The following SERINC1 variants were observed in gnomAD, a reference collection of about 807,000 sequenced individuals.
SERINC1 encodes the protein serine incorporator 1.
In SERINC1, 38 loss-of-function variants were observed where a neutral mutation model predicts 52.9. The observed-to-expected ratio is 0.72, with a 90% CI of 0.55 to 0.94. The LOEUF (loss-of-function observed/expected upper bound fraction) is 0.94. Among genes scored for constraint, SERINC1 ranks in the 40% least tolerant of loss-of-function variants. The probability of loss-of-function intolerance (pLI) is 0.00; values close to 1 mark genes in which losing one functional copy is unlikely to be tolerated. For synonymous variants in SERINC1, 198 were observed against 183.1 expected, an observed-to-expected ratio of 1.08 and a Z score of -0.66; for missense variants, 471 against 533.9, an observed-to-expected ratio of 0.88 and a Z score of 1.16.
Position 122,447,243 on chromosome 6 carries a change from T to G in SERINC1, c.873A>C (p.Leu291=), listed in dbSNP as rs747337472. Residue 291 remains leucine, a synonymous_variant, in exon 8 of 10, where the codon CTA becomes CTC. Transcript: ENST00000339697. ...TTGTATTGTAGCCAATTATGCTTAG[T>G]AGACTTGGGTTGCAATTTGTTTCTG... The part of the protein sequence containing the change: ...NEPETNCNPS[L]LSIIGYNTTS... 2 of 1,610,574 alleles carry G rather than the reference T, an allele frequency of 1.2e-6. No homozygotes were observed. Among genetic ancestry groups the G allele is most frequent in the Admixed American group, 3.4e-5 (2 of 59,566 alleles).
chr6:122,451,776 A>AAAAAATATATATATATATATATAT, intron 6 of SERINC1, 22 bp from the exon 7 acceptor site: 3 of 113,062 alleles, frequency 2.7e-5, no homozygotes, highest in Non-Finnish European at 4.1e-5. Flanking sequence ...AAAAAAAAAA[A>AAAAAATATATATATATATATATAT]ATATATATAT....
At chr6:122,468,759 C>T (rs1481816363) in intron 1 of SERINC1, among the ~76,000 whole-genome samples, 1 of 152,094 alleles carries the variant, frequency 6.6e-6, no homozygotes, top group African/African-American at 2.4e-5. Context: ...AACTATAAAT[C>T]ATTTCTATAA....
chr6:122,467,982 C>T (rs1775215591), intron 1 of SERINC1, among the ~76,000 whole-genome samples: 1 of 151,950 alleles, frequency 6.6e-6, no homozygotes, highest in Admixed American at 6.6e-5. Context: ...AGAAATACGG[C>T]AATAAATACC....
At chr6:122,464,521 A>T (rs1775155205) in intron 1 of SERINC1, among the ~76,000 whole-genome samples, 1 of 152,216 alleles carries the variant, frequency 6.6e-6, no homozygotes, top group South Asian at 2.1e-4. Flanking sequence ...GCACGTGCAG[A>T]GGGACGGTGT....
intron 3 of SERINC1, among the ~76,000 whole-genome samples, chr6:122,456,084 T>C (rs1427752975): frequency 6.6e-6 from 1 of 152,156 alleles, no homozygotes; most frequent in African/African-American, 2.4e-5. Context: ...AAAGAAACCC[T>C]GAAGTTTCTT....
chr6:122,471,157 A>G (rs1164101629), intron 1 of SERINC1, among the ~76,000 whole-genome samples: 6 of 151,996 alleles, frequency 3.9e-5, no homozygotes, highest in East Asian at 3.9e-4. Flanking sequence ...TTCAAAAACA[A>G]TATTACTACA....
chr6:122,462,211 G>T (rs1775117284), intron 1 of SERINC1, among the ~76,000 whole-genome samples: 1 of 152,098 alleles, frequency 6.6e-6, no homozygotes, highest in African/African-American at 2.4e-5. Context: ...AAGAATAGAA[G>T]ATAACATCCT....
Position 122,452,072 on chromosome 6 carries a change from T to C in SERINC1, c.590-15A>G. The C allele has an allele frequency of 7.0e-7, 1 of 1,429,818 alleles. No individual in the cohort carries two copies. Among genetic ancestry groups the C allele is most frequent in the Non-Finnish European group, 9.2e-7 (1 of 1,082,504 alleles). 88.6% of individuals were successfully genotyped at this position (1,429,818 alleles called of 1,614,324 possible). A position where few individuals can be genotyped will look rare whatever the true frequency, so the allele number is the denominator to read the frequency against. On this transcript the variant is annotated splice_polypyrimidine_tract_variant and intron_variant, in intron 5 of 9. Coordinates refer to ENST00000339697, the MANE Select transcript of SERINC1 (RefSeq NM_020755.4). ...TGATAACAAGGCTGTGAAAGAAATA[T>C]AATTGGATAATTAGCTTTTTATCAG...
chr6:122,449,885 G>A (rs537409222), intron 7 of SERINC1, among the ~76,000 whole-genome samples: 2 of 152,116 alleles, frequency 1.3e-5, no homozygotes, highest in East Asian at 1.9e-4. Flanking sequence ...GTGTGGTGGC[G>A]CAGGCCTGTA....
In SERINC1 at chr6:122,444,123, T is replaced by C. The variant is rs747215498; in HGVS notation, c.*921A>G. The stretch of plus-strand genomic sequence containing the variant: ...AATCCTCCCACCTCAGCCTCCTCAG[T>C]AGCTGGGACCACAGGCATATGCTAC... On this transcript the variant is annotated 3_prime_UTR_variant, in exon 10 of 10. Coordinates refer to ENST00000339697, the MANE Select transcript of SERINC1 (RefSeq NM_020755.4). The C allele has an allele frequency of 2.6e-5, 4 of 152,420 alleles. No homozygotes were observed. Among genetic ancestry groups the C allele is most frequent in the Non-Finnish European group, 4.4e-5 (3 of 68,240 alleles). The allele number at this position is 152,420 out of a possible 1,614,324, so 9.4% of individuals were successfully genotyped here.
In SERINC1 at chr6:122,458,685, G is replaced by A; in HGVS notation, c.40-4C>T. ...CACTTCCACACAAACATGGTATCTG[G>A]GAAAAAGAATATTATTGAAAATATT... On this transcript the variant is annotated splice_region_variant and splice_polypyrimidine_tract_variant and intron_variant, in intron 1 of 9. Transcript: ENST00000339697. The A allele has an allele frequency of 3.2e-6, 5 of 1,569,662 alleles. No homozygotes were observed. The highest frequency in any genetic ancestry group is 2.7e-5 in the African/African-American group (2 of 73,514).
intron 1 of SERINC1, among the ~76,000 whole-genome samples, chr6:122,470,710 GT>G (rs1264581993): frequency 6.6e-6 from 1 of 152,008 alleles, no homozygotes; most frequent in African/African-American, 2.4e-5. Flanking sequence ...ACCTTTAAGA[GT>G]ATATATAACG....
At chr6:122,458,309 G>A (rs1309848388) in intron 2 of SERINC1, among the ~76,000 whole-genome samples, 1 of 151,958 alleles carries the variant, frequency 6.6e-6, no homozygotes, top group Non-Finnish European at 1.5e-5. Flanking sequence ...TTCTTTCTGT[G>A]TATTACCACA....
intron 1 of SERINC1, among the ~76,000 whole-genome samples, chr6:122,459,747 G>T (rs1775067219): frequency 6.6e-6 from 1 of 151,930 alleles, no homozygotes; most frequent in Non-Finnish European, 1.5e-5. Flanking sequence ...TGTTAAAAAA[G>T]GAGACCTCAA....
chr6:122,446,773 C>G lies in SERINC1; in HGVS notation c.1226+1G>C. On this transcript the variant is annotated splice_donor_variant, in intron 9 of 9. Transcript: ENST00000339697. LOFTEE classifies it high-confidence loss of function. The stretch of plus-strand genomic sequence containing the variant: ...CCAGAGTTTTCATGAAATATAAATA[C>G]CTGTACCAGTTGGTAAGGGTCATCA... 6.3e-7 allele frequency: 1 copy of G among 1,590,058 alleles called. No homozygotes were observed. Among genetic ancestry groups the G allele is most frequent in the Non-Finnish European group, 8.6e-7 (1 of 1,158,326 alleles).
In SERINC1 at chr6:122,454,153, G is replaced by C; in HGVS notation, c.449C>G (p.Thr150Ser). 1.3e-6 allele frequency: 2 copies of C among 1,555,644 alleles called. No homozygotes were observed. The highest frequency in any genetic ancestry group is 1.7e-6 in the Non-Finnish European group (2 of 1,143,152). ...ACAACTTAAAAAGGATTTCTTACCA[G>C]TTGTAAAAGTTCCTTCTGGAATGAA... ...AFFIPEGTFT[T>S]VWFYVGMAGA... Residue 150 changes from threonine (T) to serine (S), a missense_variant and splice_region_variant, in exon 4 of 10, where the codon ACT becomes AGT. Coordinates refer to ENST00000339697, the MANE Select transcript of SERINC1 (RefSeq NM_020755.4).
At chr6:122,458,450 A>G in intron 2 of SERINC1, 70 bp downstream of exon 2, 4 of 1,032,110 alleles carry the variant, frequency 3.9e-6, no homozygotes, top group Non-Finnish European at 5.7e-6. Context: ...AATATCCCCG[A>G]ATCAATTTTA....
chr6:122,451,774 A>T lies in SERINC1; in HGVS notation c.760-20T>A, dbSNP rs373266945. 322 of 210,882 alleles carry T rather than the reference A, an allele frequency of 1.5e-3. 2 individuals carry two copies. In the East Asian group the frequency reaches 0.032, roughly 21 times the overall value. The allele number at this position is 210,882 out of a possible 1,614,324, so 13.1% of individuals were successfully genotyped here. A position where few individuals can be genotyped will look rare whatever the true frequency, so the allele number is the denominator to read the frequency against. On this transcript the variant is annotated intron_variant, in intron 6 of 9. Transcript: ENST00000339697. ...TGATTCCTACAAAAAAAAAAAAAAAAAAATATATATATATATATATAGCAA... is the reference window on the plus strand; with the variant it reads ...TGATTCCTACAAAAAAAAAAAAAAATAAATATATATATATATATATAGCAA...
chr6:122,470,609 C>T (rs1268433956), intron 1 of SERINC1, among the ~76,000 whole-genome samples: 1 of 152,076 alleles, frequency 6.6e-6, no homozygotes, highest in Non-Finnish European at 1.5e-5. Context: ...GAAGAAATAC[C>T]ATATAATCAA....
Sources: gnomAD v4.1 joint callset for allele counts (sites outside exome capture counted in the v4.1 genomes callset) on GRCh38, gnomAD v4.1.1 for gene constraint, MANE v1.5 for transcripts, NCBI Gene and HGNC (gene_info 2026-07-23, HGNC 2026-07-21) for gene names.